EIF2AK4: variants seen among roughly 807,000 people sequenced by gnomAD.
EIF2AK4 encodes the protein eIF-2-alpha kinase GCN2.
Under a neutral mutation model 211.1 loss-of-function variants are expected in EIF2AK4, and 139 were observed. The observed-to-expected ratio is 0.66, with a 90% CI of 0.57 to 0.76. EIF2AK4 has a LOEUF of 0.76. EIF2AK4 is among the 30% of genes least tolerant of loss of function. The probability of loss-of-function intolerance (pLI) is 0.00; values close to 1 mark genes in which losing one functional copy is unlikely to be tolerated. For synonymous variants in EIF2AK4, 710 were observed against 751.3 expected, an observed-to-expected ratio of 0.94 and a Z score of 0.90; for missense variants, 1,664 against 2,043.8, an observed-to-expected ratio of 0.81 and a Z score of 3.58.
In EIF2AK4 at chr15:40,026,064, AAAG is replaced by A. The variant is rs1243787302; in HGVS notation, c.4478_4480del (p.Lys1493_Val1494delinsIle). 1 of 1,614,170 alleles carries A rather than the reference AAAG, an allele frequency of 6.2e-7. No homozygotes were observed. Among genetic ancestry groups the A allele is most frequent in the South Asian group, 1.1e-5 (1 of 91,084 alleles). On this transcript the variant is annotated inframe_deletion, in exon 33 of 39. Coordinates refer to ENST00000263791, the MANE Select transcript of EIF2AK4 (RefSeq NM_001013703.4). ...CCATGTACTGCAGAAACTGAGGACTAAAGTCACTGATGAAAGGAATGGCAGGTA... is the reference window on the plus strand; with the variant it reads ...CCATGTACTGCAGAAACTGAGGACTATCACTGATGAAAGGAATGGCAGGTA...
intron 27 of EIF2AK4, among the ~76,000 whole-genome samples, chr15:40,014,543 C>T (rs933976052): frequency 6.6e-6 from 1 of 152,248 alleles, no homozygotes; most frequent in East Asian, 1.9e-4. Flanking sequence ...AGCTTAGACA[C>T]AGGGCACCAA....
intron 28 of EIF2AK4, among the ~76,000 whole-genome samples, chr15:40,016,899 C>CA (rs1465620596): frequency 1.8e-4 from 28 of 152,178 alleles, no homozygotes; most frequent in Admixed American, 1.3e-4. Flanking sequence ...ATGTTAGCCT[C>CA]AGAGAGGTGG....
chr15:39,985,212 G>A (rs1046183539), intron 13 of EIF2AK4, among the ~76,000 whole-genome samples: 9 of 152,116 alleles, frequency 5.9e-5, no homozygotes, highest in Non-Finnish European at 1.2e-4. Flanking sequence ...TGACTTGGTC[G>A]TGGTGGATAA....
intron 4 of EIF2AK4, among the ~76,000 whole-genome samples, chr15:39,952,943 G>A (rs2034340269): frequency 6.6e-6 from 1 of 152,132 alleles, no homozygotes; most frequent in Admixed American, 6.5e-5. Flanking sequence ...CATTTCTCAG[G>A]TTCAAGCAAT....
In EIF2AK4 at chr15:40,003,307, A is replaced by T; in HGVS notation, c.3350A>T (p.Asp1117Val). 1 of 1,614,004 alleles carries T rather than the reference A, an allele frequency of 6.2e-7. No individual in the cohort carries two copies. Among genetic ancestry groups the T allele is most frequent in the Non-Finnish European group, 8.5e-7 (1 of 1,179,958 alleles). The part of the protein sequence containing the change: ...HSGMLVMLPF[D>V]LRIPFARYVA... ...GGGATGCTGGTGATGCTTCCTTTTGACCTGCGGGTGAGGCTGGGAACACAC... is the reference window on the plus strand; with the variant it reads ...GGGATGCTGGTGATGCTTCCTTTTGTCCTGCGGGTGAGGCTGGGAACACAC... The change falls in exon 23 of 39, where the codon GAC (aspartate) becomes GTC (valine). Residue 1117 changes from aspartate to valine, a missense_variant. Physicochemically the swap from Asp to Val is radical, Grantham distance 152. Coordinates refer to ENST00000263791, the MANE Select transcript of EIF2AK4 (RefSeq NM_001013703.4).
chr15:39,949,913 C>T (rs2034283062), intron 4 of EIF2AK4, among the ~76,000 whole-genome samples: 2 of 151,802 alleles, frequency 1.3e-5, no homozygotes, highest in African/African-American at 4.8e-5. Flanking sequence ...TTTCTTTAAT[C>T]TGTTTGCATA....
chr15:39,979,129 G>A (rs2034744353), intron 13 of EIF2AK4, among the ~76,000 whole-genome samples: 1 of 152,230 alleles, frequency 6.6e-6, no homozygotes, highest in South Asian at 2.1e-4. Flanking sequence ...CTGTTAGTAT[G>A]ACCATCTTTT....
Position 40,032,813 on chromosome 15 carries a change from GA to G in EIF2AK4, c.4773+14del, listed in dbSNP as rs764347556. On this transcript the variant is annotated intron_variant, in intron 37 of 38. Coordinates refer to ENST00000263791, the MANE Select transcript of EIF2AK4 (RefSeq NM_001013703.4). ...TTTTATCATTAGAGGTAAGCAATAT[GA>G]ACTCTTCTGCACTGTGGCCTTTAAG... The G allele has an allele frequency of 2.1e-5, 34 of 1,612,040 alleles. No homozygotes were observed. Among genetic ancestry groups the G allele is most frequent in the Non-Finnish European group, 2.5e-5 (29 of 1,178,998 alleles).
intron 25 of EIF2AK4, among the ~76,000 whole-genome samples, chr15:40,009,289 A>T (rs963335830): frequency 6.6e-6 from 1 of 151,774 alleles, no homozygotes. Flanking sequence ...GGGTTTCCCT[A>T]TGTTCCCCAG....
chr15:39,995,972 A>G (rs1014338643), intron 18 of EIF2AK4, among the ~76,000 whole-genome samples: 1 of 152,214 alleles, frequency 6.6e-6, no homozygotes, highest in Admixed American at 6.5e-5. Flanking sequence ...TATTCATTTT[A>G]TAACTGAAAA....
chr15:39,968,862 A>G (rs1303364243), intron 9 of EIF2AK4, among the ~76,000 whole-genome samples: 1 of 138,926 alleles, frequency 7.2e-6, no homozygotes, highest in Non-Finnish European at 1.6e-5. Context: ...GTTTTTGTGT[A>G]AAGTGAATAT....
intron 25 of EIF2AK4, 21 bp from the exon 26 acceptor site, chr15:40,009,593 T>C (rs751679134): frequency 1.4e-6 from 2 of 1,480,036 alleles, no homozygotes; most frequent in Non-Finnish European, 9.2e-7. Flanking sequence ...ATGAAAATAG[T>C]AATTTTTCTC....
chr15:39,940,623 A>T (rs2034131990), intron 2 of EIF2AK4, among the ~76,000 whole-genome samples: 1 of 152,224 alleles, frequency 6.6e-6, no homozygotes. Flanking sequence ...GTTAATTATA[A>T]AACATTAATG....
In EIF2AK4 at chr15:39,978,794, C is replaced by T. The variant is rs1214648462; in HGVS notation, c.2319+647C>T. ...TAGTTGTGTTTTCAATGGAGAAATA[C>T]ATCATCTGTTGACAAAATAGCTTTT... On this transcript the variant is annotated intron_variant, in intron 13 of 38. Transcript: ENST00000263791. Among the ~76,000 whole-genome samples, 7 of 152,192 alleles carry T rather than the reference C, an allele frequency of 4.6e-5. No individual in the cohort carries two copies. The East Asian group carries it at 1.2e-3, about 25-fold the overall frequency.
chr15:39,976,385 C>G (rs773375354), intron 11 of EIF2AK4, 29 bp from the exon 12 acceptor site: 1 of 1,560,356 alleles, frequency 6.4e-7, no homozygotes, highest in Non-Finnish European at 8.7e-7. Flanking sequence ...AGGCTCCGAG[C>G]GGCTGACCTT....
chr15:40,013,200 T>G (rs762359497), intron 27 of EIF2AK4, among the ~76,000 whole-genome samples: 3 of 152,236 alleles, frequency 2.0e-5, no homozygotes, highest in Non-Finnish European at 4.4e-5. Flanking sequence ...GACAGGGTCT[T>G]GCACTGTCAC....
In EIF2AK4 at chr15:40,003,263, C is replaced by G; in HGVS notation, c.3306C>G (p.Ala1102=). The G allele has an allele frequency of 1.2e-6, 2 of 1,614,154 alleles. 1 individual carries two copies. The highest frequency in any genetic ancestry group is 2.2e-5 in the South Asian group (2 of 91,084). ...AAATATATGAGCACAACGAAGCTGC[C>G]CTATTCATGGACCACAGCGGGATGC... ...NRQIYEHNEA[A]LFMDHSGMLV... The change falls in exon 23 of 39, where the codon GCC becomes GCG. Residue 1102 remains alanine, a synonymous_variant. Coordinates refer to ENST00000263791, the MANE Select transcript of EIF2AK4 (RefSeq NM_001013703.4).
At chr15:39,996,572 A>G (rs2035021023) in intron 18 of EIF2AK4, among the ~76,000 whole-genome samples, 1 of 152,132 alleles carries the variant, frequency 6.6e-6, no homozygotes, top group Non-Finnish European at 1.5e-5. Context: ...TTAGCTGGGC[A>G]TGGTGGTGCA....
At chr15:39,954,747 C>T (rs956548291) in intron 5 of EIF2AK4, among the ~76,000 whole-genome samples, 1 of 152,110 alleles carries the variant, frequency 6.6e-6, no homozygotes, top group Non-Finnish European at 1.5e-5. Flanking sequence ...AGCAAAAAAC[C>T]AGTCAGACGT....
Sources: allele counts gnomAD v4.1 joint callset (sites outside exome capture counted in the v4.1 genomes callset), GRCh38; gene constraint gnomAD v4.1.1; transcripts MANE v1.5; gene names NCBI Gene and HGNC (gene_info 2026-07-23, HGNC 2026-07-21).